Variants in GSPT1 observed in about 807,000 individuals in gnomAD.
GSPT1 encodes eukaryotic peptide chain release factor GTP-binding subunit ERF3A.
GSPT1 carries 20 observed loss-of-function variants against 72.5 expected under a neutral mutation model. The ratio of observed to expected loss-of-function variants is 0.28; its 90% CI spans 0.19 to 0.40. GSPT1 has a LOEUF of 0.40. Among genes scored for constraint, GSPT1 ranks in the 10% least tolerant of loss-of-function variants. GSPT1 has a pLI of 1.00. For missense variants in GSPT1, 580 were observed against 811.9 expected (o/e 0.71, Z 3.47); for synonymous variants, 334 against 293.5 (o/e 1.14, Z -1.41).
intron 1 of GSPT1, among the ~76,000 whole-genome samples, chr16:11,909,802 G>C (rs1264159656): frequency 6.6e-6 from 1 of 152,126 alleles, no homozygotes; most frequent in African/African-American, 2.4e-5. Context: ...GCGGGCACCT[G>C]TAATCTCAGC....
At chr16:11,901,247 A>G (rs570960141) in intron 1 of GSPT1, among the ~76,000 whole-genome samples, 125 of 152,328 alleles carry the variant, frequency 8.2e-4, no homozygotes, top group African/African-American at 3.0e-3. Flanking sequence ...GGTCTTATTC[A>G]TGACTCACAT....
At chr16:11,908,273 T>C (rs941284699) in intron 1 of GSPT1, 9 of 151,854 alleles carry the variant, frequency 5.9e-5, no homozygotes, top group East Asian at 2.0e-4. Flanking sequence ...ACCATTTAAA[T>C]AACATTTAAA....
chr16:11,876,106 T>A lies in GSPT1; in HGVS notation c.1672A>T (p.Ile558Phe). 6.2e-7 allele frequency: 1 copy of A among 1,602,064 alleles called. No homozygotes were observed. Among genetic ancestry groups the A allele is most frequent in the Non-Finnish European group, 8.6e-7 (1 of 1,169,034 alleles). ...CTCACTGTTATTTCCACCTCCTCAATACAGGTATGAATATGCAGCACCGCA... is the reference window on the plus strand; with the variant it reads ...CTCACTGTTATTTCCACCTCCTCAAAACAGGTATGAATATGCAGCACCGCA... The part of the protein sequence containing the change: ...YNAVLHIHTC[I>F]EEVEITALIC... Residue 558 changes from isoleucine (I) to phenylalanine (F), a missense_variant, in exon 13 of 15, where the codon ATT (isoleucine) becomes TTT (phenylalanine). By Grantham distance (21) the Ile-to-Phe change is conservative. Transcript: ENST00000434724.
intron 6 of GSPT1, among the ~76,000 whole-genome samples, chr16:11,890,159 A>G (rs181355530): frequency 1.3e-4 from 20 of 150,122 alleles, no homozygotes; most frequent in Admixed American, 8.0e-4. Flanking sequence ...ACGGGGTTTC[A>G]CCATGTTAGC....
chr16:11,880,310 T>G (rs1176865953), intron 11 of GSPT1: 5 of 152,186 alleles, frequency 3.3e-5, no homozygotes, highest in African/African-American at 1.2e-4. Flanking sequence ...TATACAGATA[T>G]CTGAGACTCT....
At chr16:11,894,929 T>C (rs762804649) in intron 5 of GSPT1, 25 bp downstream of exon 5, 3 of 1,458,704 alleles carry the variant, frequency 2.1e-6, no homozygotes, top group Admixed American at 3.7e-5. Context: ...TTAACTCTGT[T>C]ATTTAACAAA....
intron 1 of GSPT1, among the ~76,000 whole-genome samples, chr16:11,901,708 C>T (rs961505392): frequency 6.6e-6 from 1 of 151,762 alleles, no homozygotes; most frequent in Non-Finnish European, 1.5e-5. Flanking sequence ...AGGAGAATCG[C>T]TTGAGCCCAG....
In GSPT1 at chr16:11,894,155, CAAAAAAAAAAAAAAAAA is replaced by C. The variant is rs57226427; in HGVS notation, c.698+782_698+798del. On this transcript the variant is annotated intron_variant, in intron 5 of 14. Transcript: ENST00000434724. ...TTGGTGACAGAATGAGACCCTATCT[CAAAAAAAAAAAAAAAAA>C]AAAAAAAAAAAAAAAAAAAAAAATT... 2.1e-3 allele frequency among the ~76,000 whole-genome samples: 88 copies of C among 42,674 alleles called. 2 individuals carry two copies. In the South Asian group the frequency reaches 0.031, roughly 15 times the overall value. The allele number at this position is 42,674 out of a possible 152,430, so 28.0% of individuals were successfully genotyped here. A position where few individuals can be genotyped will look rare whatever the true frequency, so the allele number is the denominator to read the frequency against.
At chr16:11,904,392 T>TG (rs2054460421) in intron 1 of GSPT1, among the ~76,000 whole-genome samples, 1 of 151,374 alleles carries the variant, frequency 6.6e-6, no homozygotes, top group Non-Finnish European at 1.5e-5. Flanking sequence ...TTAGTAGAGA[T>TG]GGGGTTTCAC....
At chr16:11,906,537 G>A (rs1157074198) in intron 1 of GSPT1, among the ~76,000 whole-genome samples, 3 of 152,124 alleles carry the variant, frequency 2.0e-5, no homozygotes, top group African/African-American at 4.8e-5. Context: ...AGGAGGCTGA[G>A]GCAGAAGAAT....
At chr16:11,887,797 G>C (rs1192447477) in intron 6 of GSPT1, 47 bp from the exon 7 acceptor site, 3 of 1,257,446 alleles carry the variant, frequency 2.4e-6, no homozygotes, top group East Asian at 4.6e-5. Context: ...GAACATCAGA[G>C]TTTTTAGGAT....
At chr16:11,881,655 C>CTTTTTTTTTTTTTTTTTTTTTTTTTTTTT (rs140995097) in intron 11 of GSPT1, 1 of 92,750 alleles carries the variant, frequency 1.1e-5, no homozygotes, top group African/African-American at 3.9e-5. Flanking sequence ...ACTTCCATAG[C>CTTTTTTTTTTTTTTTTTTTTTTTTTTTTT]TTTTTTTTTT....
At chr16:11,914,780 G>C (rs2054607102) in intron 1 of GSPT1, among the ~76,000 whole-genome samples, 1 of 152,152 alleles carries the variant, frequency 6.6e-6, no homozygotes, top group Admixed American at 6.5e-5. Flanking sequence ...ACAGATCTTG[G>C]TATTGATAGC....
chr16:11,900,717 C>T (rs988189871), intron 1 of GSPT1, among the ~76,000 whole-genome samples: 1 of 152,118 alleles, frequency 6.6e-6, no homozygotes, highest in African/African-American at 2.4e-5. Flanking sequence ...AGGAAAATGA[C>T]GGGTGTGGTG....
At chr16:11,907,413 TA>T (rs1240154497) in intron 1 of GSPT1, among the ~76,000 whole-genome samples, 18 of 152,358 alleles carry the variant, frequency 1.2e-4, no homozygotes, top group African/African-American at 4.3e-4. Context: ...CAACAGTACC[TA>T]ACCTCAAGAG....
intron 7 of GSPT1, 117 bp downstream of exon 7, chr16:11,887,453 T>TA (rs2054198759): frequency 1.3e-6 from 1 of 777,366 alleles, no homozygotes; most frequent in African/African-American, 1.7e-5. Context: ...TGTGACCGTG[T>TA]ACATCATTAT....
At chr16:11,915,247 G>C in intron 1 of GSPT1, 122 bp downstream of exon 1, 1 of 1,174,964 alleles carries the variant, frequency 8.5e-7, no homozygotes, top group Non-Finnish European at 1.1e-6. Context: ...CAGGCAGACG[G>C]CGCCACTGTC....
chr16:11,879,558 T>C (rs148480766), intron 11 of GSPT1, among the ~76,000 whole-genome samples: 1 of 150,860 alleles, frequency 6.6e-6, no homozygotes, highest in African/African-American at 2.4e-5. Context: ...CACGGTGAAA[T>C]CCTGTCTCCA....
chr16:11,875,913 A>C lies in GSPT1; in HGVS notation c.1709T>G (p.Val570Gly). ...EVEITALICL[V>G]DKKSGEKSKT... Reference sequence around the variant, plus strand: ...ACTTTTTTCTCCTGATTTTTTGTCTACCAAGCAGATTAAGGCCTAACCAAG... The same window carrying C: ...ACTTTTTTCTCCTGATTTTTTGTCTCCCAAGCAGATTAAGGCCTAACCAAG... The change falls in exon 14 of 15, where the codon GTA becomes GGA. Residue 570 changes from valine (V) to glycine (G), a missense_variant. Physicochemically the swap from Val to Gly is moderately radical, Grantham distance 109. Coordinates refer to ENST00000434724, the MANE Select transcript of GSPT1 (RefSeq NM_002094.4). 1 of 1,613,340 alleles carries C rather than the reference A, an allele frequency of 6.2e-7. No homozygotes were observed. The highest frequency in any genetic ancestry group is 8.5e-7 in the Non-Finnish European group (1 of 1,179,648).
Sources: gnomAD v4.1 joint callset for allele counts (sites outside exome capture counted in the v4.1 genomes callset) on GRCh38, gnomAD v4.1.1 for gene constraint, MANE v1.5 for transcripts, NCBI Gene and HGNC (gene_info 2026-07-23, HGNC 2026-07-21) for gene names.